Variants in IQSEC1 observed in about 807,000 individuals in gnomAD.
IQSEC1 encodes the protein IQ motif and SEC7 domain-containing protein 1.
IQSEC1 carries 31 observed loss-of-function variants against 91.0 expected under a neutral mutation model. The observed-to-expected ratio is 0.34, with a 90% CI of 0.26 to 0.46. IQSEC1 has a LOEUF of 0.46. Among genes scored for constraint, IQSEC1 ranks in the 20% least tolerant of loss-of-function variants. The pLI is 1.00. For synonymous variants in IQSEC1, 699 were observed against 662.6 expected, an observed-to-expected ratio of 1.05 and a Z score of -0.84; for missense variants, 1,388 against 1,575.6, an observed-to-expected ratio of 0.88 and a Z score of 2.02.
At chr3:13,107,368 T>G (rs1428955016) in intron 2 of IQSEC1, among the ~76,000 whole-genome samples, 2 of 152,254 alleles carry the variant, frequency 1.3e-5, no homozygotes, top group Admixed American at 1.3e-4. Context: ...CCATGCCCCC[T>G]GCGGTTGCTA....
chr3:12,935,674 C>T lies in IQSEC1; in HGVS notation c.1342G>A (p.Glu448Lys). The T allele has an allele frequency of 6.2e-7, 1 of 1,613,912 alleles. No homozygotes were observed. The highest frequency in any genetic ancestry group is 8.5e-7 in the Non-Finnish European group (1 of 1,180,038). ...TTGTCACCGTCTGAGTAGTCCGACTCAGACTTGCTCTGCCGGTTGGCTGAG... is the reference window on the plus strand; with the variant it reads ...TTGTCACCGTCTGAGTAGTCCGACTTAGACTTGCTCTGCCGGTTGGCTGAG... ...NGSANRQSKSESDYSDGDNDS... is the reference protein window; with the variant it reads ...NGSANRQSKSKSDYSDGDNDS... The change falls in exon 3 of 14, where the codon GAG (glutamate) becomes AAG (lysine). Residue 448 changes from glutamate to lysine, a missense_variant. Around this residue, in one of 2 missense-constraint regions of IQSEC1, gnomAD observed 1,059 missense variants for 1,317.8 expected, o/e 0.80. Coordinates refer to ENST00000613206, the MANE Select transcript of IQSEC1 (RefSeq NM_001134382.3). The surrounding 1 kb of genome is among the most constrained non-coding windows in gnomAD (Gnocchi z 8.0).
chr3:12,961,248 G>A (rs1700225855), intron 1 of IQSEC1, among the ~76,000 whole-genome samples: 1 of 152,216 alleles, frequency 6.6e-6, no homozygotes, highest in Non-Finnish European at 1.5e-5. Context: ...ACGCACCACA[G>A]CTCTGCTCCA....
At chr3:13,073,702 T>C (rs1025224818), upstream of IQSEC1, among the ~76,000 whole-genome samples, 1 of 152,230 alleles carries the variant, frequency 6.6e-6, no homozygotes, top group Non-Finnish European at 1.5e-5. Context: ...CCAAGGCGGC[T>C]TTTCTGCCTT....
intron 2 of IQSEC1, among the ~76,000 whole-genome samples, chr3:13,159,232 C>A (rs1180077685): frequency 6.6e-6 from 1 of 152,120 alleles, no homozygotes; most frequent in Non-Finnish European, 1.5e-5. Context: ...GAGTTTGAGA[C>A]CAGCCTGGCC....
chr3:13,220,397 T>C (rs1694635411), intron 1 of IQSEC1, among the ~76,000 whole-genome samples: 2 of 152,102 alleles, frequency 1.3e-5, no homozygotes, highest in South Asian at 4.1e-4. Flanking sequence ...CCCTACTCCT[T>C]TTCCACCCCA....
chr3:13,065,794 CA>C (rs548756140), intron 1 of IQSEC1, among the ~76,000 whole-genome samples: 102 of 152,346 alleles, frequency 6.7e-4, no homozygotes, highest in African/African-American at 2.4e-3. Flanking sequence ...CCCATGTTCA[CA>C]GCAGCACTAT....
intron 1 of IQSEC1, chr3:12,986,990 T>C (rs767364311): frequency 1.1e-5 from 5 of 440,520 alleles, no homozygotes; most frequent in South Asian, 8.0e-5. Context: ...GTGCTGTGGG[T>C]GGGGGCCTCC....
chr3:12,985,400 C>A (rs2125604053), intron 1 of IQSEC1, among the ~76,000 whole-genome samples: 1 of 152,288 alleles, frequency 6.6e-6, no homozygotes, highest in African/African-American at 2.4e-5. Flanking sequence ...TGCTCTAGAT[C>A]CAGATCTGCT....
rs1696015910 is a variant in IQSEC1 at position 12,915,689 on chromosome 3, T to G, written c.2065A>C (p.Ile689Leu). ...EDIPREMLMG[I>L]YERIRKRELK... The stretch of plus-strand genomic sequence containing the variant: ...TCTCGCTTACGGATCCGTTCATAGA[T>G]CCCCATCAGCATCTCACGGGGAATG... Residue 689 changes from isoleucine (I) to leucine (L), a missense_variant, in exon 7 of 14, where the codon ATC (isoleucine) becomes CTC (leucine). Physicochemically the swap from Ile to Leu is conservative, Grantham distance 5 (BLOSUM62 2). Coordinates refer to ENST00000613206, the MANE Select transcript of IQSEC1 (RefSeq NM_001134382.3). 2 of 1,614,116 alleles carry G rather than the reference T, an allele frequency of 1.2e-6. No homozygotes were observed. Among genetic ancestry groups the G allele is most frequent in the East Asian group, 2.2e-5 (1 of 44,882 alleles).
rs377242973 is a variant in IQSEC1 at position 12,900,969 on chromosome 3, C to A, written c.*14G>T. Reference sequence around the variant, plus strand: ...CAGGTGTTTCAGGGAGCCTGGGACCCCTACCCAGGCTGTCTACACAATTGT... The same window carrying A: ...CAGGTGTTTCAGGGAGCCTGGGACCACTACCCAGGCTGTCTACACAATTGT... On this transcript the variant is annotated 3_prime_UTR_variant, in exon 14 of 14. Transcript: ENST00000613206. The A allele has an allele frequency of 1.2e-4, 183 of 1,542,444 alleles. No individual in the cohort carries two copies. Among genetic ancestry groups the A allele is most frequent in the Non-Finnish European group, 1.6e-4 (178 of 1,146,784 alleles).
intron 8 of IQSEC1, 68 bp from the exon 9 acceptor site, chr3:12,913,621 G>GGA: frequency 1.3e-6 from 2 of 1,525,620 alleles, no homozygotes; most frequent in South Asian, 2.3e-5. Flanking sequence ...GGGCCGCAGT[G>GGA]GAGAAGTCTA....
intron 1 of IQSEC1, among the ~76,000 whole-genome samples, chr3:13,051,640 C>A (rs574267929): frequency 6.6e-6 from 1 of 152,150 alleles, no homozygotes; most frequent in Non-Finnish European, 1.5e-5. Context: ...AAAACCAAAC[C>A]GTCTGCCTCA....
intron 1 of IQSEC1, among the ~76,000 whole-genome samples, chr3:13,180,939 G>A (rs867200937): frequency 2.0e-5 from 3 of 152,188 alleles, no homozygotes; most frequent in Admixed American, 1.3e-4. Context: ...CATTCTTGAA[G>A]TCAGTGAGAC....
chr3:12,911,645 C>G lies in IQSEC1; in HGVS notation c.2400G>C (p.Leu800=). The change falls in exon 10 of 14, where the codon CTG becomes CTC. Residue 800 remains leucine, a synonymous_variant. Coordinates refer to ENST00000613206, the MANE Select transcript of IQSEC1 (RefSeq NM_001134382.3). ...CAGACTTACACTGGTTCTCGAAGAG[C>G]AGGACCTGCATGCCGTACAAGGAGA... The part of the protein sequence containing the change: ...QSFSLYGMQV[L]LFENQYYPNG... 1 of 1,613,362 alleles carries G rather than the reference C, an allele frequency of 6.2e-7. No homozygotes were observed. Among genetic ancestry groups the G allele is most frequent in the Non-Finnish European group, 8.5e-7 (1 of 1,179,410 alleles).
chr3:12,964,301 C>A (rs1700423577), intron 1 of IQSEC1, among the ~76,000 whole-genome samples: 1 of 67,904 alleles, frequency 1.5e-5, no homozygotes, highest in African/African-American at 4.4e-5. Context: ...ACTCCCCCTA[C>A]ACACACACAC....
chr3:13,172,800 G>A (rs1693643705), intron 1 of IQSEC1, among the ~76,000 whole-genome samples: 1 of 152,230 alleles, frequency 6.6e-6, no homozygotes, highest in Non-Finnish European at 1.5e-5. Context: ...CCATCGGCCA[G>A]TACGGTGAGC....
At chr3:13,092,310 G>A (rs1284842714) in intron 2 of IQSEC1, among the ~76,000 whole-genome samples, 2 of 152,170 alleles carry the variant, frequency 1.3e-5, no homozygotes, top group Non-Finnish European at 1.5e-5. Flanking sequence ...AAAGGCGCTA[G>A]GTGTAATGCT....
rs1378073214 is a variant in IQSEC1, at chr3:13,073,298, G to T, written c.-284C>A. ...AGTAACCGTGGTCGCCAGGCTGGGC[G>T]GGGGCGTCCACCTCGCTGCTACCTG... On this transcript the variant is annotated 5_prime_UTR_variant, in exon 1 of 14. Coordinates refer to ENST00000613206, the MANE Select transcript of IQSEC1 (RefSeq NM_001134382.3). 6.6e-6 allele frequency among the ~76,000 whole-genome samples: 1 copy of T among 152,188 alleles called. No individual in the cohort carries two copies. Among genetic ancestry groups the T allele is most frequent in the Non-Finnish European group, 1.5e-5 (1 of 68,036 alleles).
At position 12,920,410 on chromosome 3, in the gene IQSEC1, G is replaced by C. The variant is rs751970805; in HGVS notation, c.2020+20C>G. ...TGCTGGAGCAAATCTGTGGCTGGCCGACCGCCTGAGACAGCTCACCTCGGA... is the reference window on the plus strand; with the variant it reads ...TGCTGGAGCAAATCTGTGGCTGGCCCACCGCCTGAGACAGCTCACCTCGGA... On this transcript the variant is annotated intron_variant, in intron 6 of 13. Coordinates refer to ENST00000613206, the MANE Select transcript of IQSEC1 (RefSeq NM_001134382.3). The C allele has an allele frequency of 6.2e-7, 1 of 1,608,842 alleles. No individual in the cohort carries two copies. The highest frequency in any genetic ancestry group is 2.2e-5 in the East Asian group (1 of 44,758).
Sources: allele counts gnomAD v4.1 joint callset (sites outside exome capture counted in the v4.1 genomes callset), GRCh38; gene constraint gnomAD v4.1.1; regional missense constraint gnomAD v4.1.1; non-coding constraint Gnocchi (gnomAD v3.1); transcripts MANE v1.5; gene names NCBI Gene and HGNC (gene_info 2026-07-23, HGNC 2026-07-21).